ATP8B1: variants seen among roughly 807,000 people sequenced by gnomAD.
ATP8B1 encodes phospholipid-transporting ATPase IC.
A neutral mutation model predicts 149.9 loss-of-function variants in ATP8B1; 80 were observed. That is an observed-to-expected ratio of 0.53 (90% CI 0.45 to 0.64). The LOEUF is 0.64. ATP8B1 is among the 30% of genes least tolerant of loss of function. ATP8B1 has a pLI of 0.00. For missense variants in ATP8B1, 1,247 were observed against 1,552.6 expected (o/e 0.80, Z 3.31); for synonymous variants, 536 against 562.8 (o/e 0.95, Z 0.67).
At chr18:57,756,324 T>C (rs1175657923) in intron 1 of ATP8B1, among the ~76,000 whole-genome samples, 1 of 146,728 alleles carries the variant, frequency 6.8e-6, no homozygotes, top group Non-Finnish European at 1.5e-5. Flanking sequence ...TATTTGAGAC[T>C]GAGTTTATCT....
chr18:57,694,417 T>C (rs908847573), intron 11 of ATP8B1, among the ~76,000 whole-genome samples, 165 bp downstream of exon 11: 2 of 151,904 alleles, frequency 1.3e-5, no homozygotes, highest in Non-Finnish European at 2.9e-5. Flanking sequence ...GTAAGGCATT[T>C]CTGGAAAAAA....
intron 15 of ATP8B1, among the ~76,000 whole-genome samples, chr18:57,676,270 T>A (rs1175267213): frequency 6.6e-6 from 1 of 152,060 alleles, no homozygotes; most frequent in Non-Finnish European, 1.5e-5. Context: ...CAAGTGATCC[T>A]CCCACCTCAG....
At chr18:57,800,966 A>C (rs1432359298) in intron 1 of ATP8B1, among the ~76,000 whole-genome samples, 3 of 152,228 alleles carry the variant, frequency 2.0e-5, no homozygotes, top group Admixed American at 2.0e-4. Context: ...ACATAAAATC[A>C]GTCCTGAACT....
Position 57,668,487 on chromosome 18 carries a change from G to A in ATP8B1, c.2151C>T (p.Thr717=), listed in dbSNP as rs1240456060. ...EDKLQDGVPE[T]ISKLAKADIK... ...TGTCAGCTTTTGCAAGTTTTGAAAT[G>A]GTTTCTGGAACTCCATCCTGTAGCT... Residue 717 remains threonine, a synonymous_variant, in exon 19 of 28, where the codon ACC becomes ACT. Transcript: ENST00000648908. The A allele has an allele frequency of 4.4e-6, 7 of 1,603,176 alleles. No homozygotes were observed. The highest frequency in any genetic ancestry group is 6.0e-6 in the Non-Finnish European group (7 of 1,174,936).
chr18:57,753,292 G>A (rs186557313), intron 1 of ATP8B1, among the ~76,000 whole-genome samples: 1 of 152,324 alleles, frequency 6.6e-6, no homozygotes, highest in Admixed American at 6.5e-5. Flanking sequence ...AAGATGCATT[G>A]GCTGAGCTTA....
chr18:57,761,313 C>T (rs2080156042), intron 1 of ATP8B1, among the ~76,000 whole-genome samples: 1 of 152,044 alleles, frequency 6.6e-6, no homozygotes, highest in Non-Finnish European at 1.5e-5. Flanking sequence ...GCAGTGGCCT[C>T]TCTGAAGATT....
chr18:57,687,997 G>A (rs1171550685), intron 13 of ATP8B1, among the ~76,000 whole-genome samples: 1 of 152,016 alleles, frequency 6.6e-6, no homozygotes, highest in Non-Finnish European at 1.5e-5. Context: ...TGGCAAGGCT[G>A]GTCTCAAATC....
At chr18:57,693,216 T>G (rs1912627993) in intron 11 of ATP8B1, among the ~76,000 whole-genome samples, 1 of 152,196 alleles carries the variant, frequency 6.6e-6, no homozygotes, top group African/African-American at 2.4e-5. Context: ...CAAATTGAAT[T>G]AAATACTTGA....
chr18:57,801,745 G>A (rs2080577183), intron 1 of ATP8B1, among the ~76,000 whole-genome samples: 1 of 152,078 alleles, frequency 6.6e-6, no homozygotes, highest in Admixed American at 6.6e-5. Context: ...TTTCCCATGG[G>A]TAGTGGCAAA....
At chr18:57,679,595 C>G (rs1026134443) in intron 15 of ATP8B1, among the ~76,000 whole-genome samples, 2 of 152,208 alleles carry the variant, frequency 1.3e-5, no homozygotes, top group Non-Finnish European at 2.9e-5. Flanking sequence ...GATTCCCTAG[C>G]TTCAGGGTAA....
intron 1 of ATP8B1, among the ~76,000 whole-genome samples, chr18:57,769,186 C>G (rs1481491172): frequency 6.6e-6 from 1 of 152,134 alleles, no homozygotes; most frequent in Non-Finnish European, 1.5e-5. Flanking sequence ...ATGCATTGCG[C>G]AAAACCTCTG....
intron 1 of ATP8B1, among the ~76,000 whole-genome samples, chr18:57,752,765 C>T (rs963802823): frequency 1.3e-5 from 2 of 152,134 alleles, no homozygotes; most frequent in African/African-American, 2.4e-5. Context: ...CATTAACATA[C>T]TTATCTCTAA....
intron 1 of ATP8B1, among the ~76,000 whole-genome samples, chr18:57,780,920 G>A (rs895133615): frequency 1.3e-5 from 2 of 152,152 alleles, no homozygotes; most frequent in Non-Finnish European, 2.9e-5. Flanking sequence ...GATTCCAACA[G>A]AATTTCTACA....
At chr18:57,660,306 A>G (rs1165875470) in intron 22 of ATP8B1, among the ~76,000 whole-genome samples, 1 of 152,192 alleles carries the variant, frequency 6.6e-6, no homozygotes, top group African/African-American at 2.4e-5. Context: ...GAGGATGATG[A>G]GAGCACGTGG....
intron 1 of ATP8B1, among the ~76,000 whole-genome samples, chr18:57,749,518 T>C (rs940480161): frequency 2.0e-5 from 3 of 152,218 alleles, no homozygotes; most frequent in Admixed American, 6.5e-5. Flanking sequence ...CAATTAATGT[T>C]ATTATAAGCT....
At position 57,695,654 on chromosome 18, in the gene ATP8B1, T is replaced by C. The variant is rs72946005; in HGVS notation, c.699-122A>G. 0.011 allele frequency: 8,503 copies of C among 798,544 alleles called. 67 individuals are homozygous for C. Among genetic ancestry groups the C allele is most frequent in the Non-Finnish European group, 0.015 (7,030 of 470,322 alleles). 49.5% of individuals were successfully genotyped at this position (798,544 alleles called of 1,614,324 possible). Reference sequence around the variant, plus strand: ...AAGCCTAAATAATTAGCTGTTTCTATTTTCAAACTCTGTTCACCTTGGAAC... The same window carrying C: ...AAGCCTAAATAATTAGCTGTTTCTACTTTCAAACTCTGTTCACCTTGGAAC... On this transcript the variant is annotated intron_variant, in intron 8 of 27. Coordinates refer to ENST00000648908, the MANE Select transcript of ATP8B1 (RefSeq NM_001374385.1).
At position 57,691,964 on chromosome 18, in the gene ATP8B1, G is replaced by A. The variant is rs1452613701; in HGVS notation, c.1063C>T (p.Leu355Phe). ...TCCCAATAAGCATGGCCGATGGCAA[G>A]ACCAGCAGAAAGCAGAATAAGAACA... ...FVVLILLSAG[L>F]AIGHAYWEAQ... The change falls in exon 12 of 28, where the codon CTT becomes TTT. Residue 355 changes from leucine (L) to phenylalanine (F), a missense_variant. Leu to Phe is a conservative substitution (Grantham distance 22). Around this residue, in one of 3 missense-constraint regions of ATP8B1, gnomAD observed 853 missense variants for 1,035.7 expected, o/e 0.82. Coordinates refer to ENST00000648908, the MANE Select transcript of ATP8B1 (RefSeq NM_001374385.1). 6.2e-7 allele frequency: 1 copy of A among 1,613,878 alleles called. No individual in the cohort carries two copies. The highest frequency in any genetic ancestry group is 8.5e-7 in the Non-Finnish European group (1 of 1,179,992).
intron 21 of ATP8B1, among the ~76,000 whole-genome samples, chr18:57,661,847 C>T (rs1398248223): frequency 3.3e-5 from 5 of 150,830 alleles, no homozygotes; most frequent in East Asian, 1.9e-4. Context: ...CCCGAGTAGC[C>T]GGGACTACAG....
chr18:57,706,922 C>T (rs1406379505), intron 2 of ATP8B1, among the ~76,000 whole-genome samples: 2 of 152,194 alleles, frequency 1.3e-5, no homozygotes, highest in East Asian at 1.9e-4. Flanking sequence ...CAGAAGGAAT[C>T]GATCCTGCTG....
Sources: allele counts gnomAD v4.1 joint callset (sites outside exome capture counted in the v4.1 genomes callset), GRCh38; gene constraint gnomAD v4.1.1; regional missense constraint gnomAD v4.1.1; transcripts MANE v1.5; gene names NCBI Gene and HGNC (gene_info 2026-07-23, HGNC 2026-07-21).